The following AMBRA1 variants were observed in gnomAD, a reference collection of about 807,000 sequenced individuals.
AMBRA1 encodes the protein autophagy and beclin 1 regulator 1.
In AMBRA1, 47 loss-of-function variants were observed where a neutral mutation model predicts 125.4. That is an observed-to-expected ratio of 0.37 (90% CI 0.30 to 0.48). The LOEUF (loss-of-function observed/expected upper bound fraction) is 0.48. AMBRA1 is among the 20% of genes least tolerant of loss of function. AMBRA1 has a pLI of 0.99. For missense variants in AMBRA1, 1,331 were observed against 1,693.4 expected, an observed-to-expected ratio of 0.79 and a Z score of 3.76; for synonymous variants, 626 against 655.5, an observed-to-expected ratio of 0.95 and a Z score of 0.69.
rs543705689 is a variant in AMBRA1 at position 46,542,979 on chromosome 11, G to C, written c.1038C>G (p.Thr346=). The C allele has an allele frequency of 9.4e-5, 151 of 1,602,912 alleles. 2 individuals carry two copies. The South Asian group carries it at 1.5e-3, about 16-fold the overall frequency. Residue 346 remains threonine (T), a synonymous_variant, in exon 7 of 18, where the codon ACC becomes ACG. Coordinates refer to ENST00000683756, the MANE Select transcript of AMBRA1 (RefSeq NM_001387011.1). The surrounding 1 kb of genome is among the most constrained non-coding windows in gnomAD (Gnocchi z 5.9). The part of the protein sequence containing the change: ...ATTPSFSFVQ[T]EPFHPPEQAS... ...CCTGCTCCGGGGGATGGAAGGGCTC[G>C]GTCTGTACAAAAGAAAAGGAAGGGG... is the stretch of plus-strand genomic sequence containing the variant.
intron 4 of AMBRA1, among the ~76,000 whole-genome samples, chr11:46,546,399 A>G (rs1266594808): frequency 6.6e-6 from 1 of 152,120 alleles, no homozygotes; most frequent in Non-Finnish European, 1.5e-5. Context: ...GGTGCAAGAC[A>G]ACCCGCTAGC....
At position 46,548,518 on chromosome 11, in the gene AMBRA1, A is replaced by G; in HGVS notation, c.-120-18T>C. 9.5e-7 allele frequency: 1 copy of G among 1,055,104 alleles called. No homozygotes were observed. Among genetic ancestry groups the G allele is most frequent in the Non-Finnish European group, 1.3e-6 (1 of 755,364 alleles). The allele number at this position is 1,055,104 out of a possible 1,614,324, so 65.4% of individuals were successfully genotyped here. A position where few individuals can be genotyped will look rare whatever the true frequency, so the allele number is the denominator to read the frequency against. ...ATGGAAATCTTAAGGAACAAAGAAT[A>G]ATGTCAAAGAACGACTTCTGCAACG... On this transcript the variant is annotated intron_variant, in intron 1 of 17. Transcript: ENST00000683756.
At chr11:46,556,943 C>A (rs1288658574) in intron 1 of AMBRA1, among the ~76,000 whole-genome samples, 1 of 151,998 alleles carries the variant, frequency 6.6e-6, no homozygotes, top group Non-Finnish European at 1.5e-5. Flanking sequence ...TCAAGACCAG[C>A]CTGACCAACA....
intron 1 of AMBRA1, among the ~76,000 whole-genome samples, chr11:46,581,273 G>T (rs1422159728): frequency 6.6e-6 from 1 of 151,846 alleles, no homozygotes; most frequent in African/African-American, 2.4e-5. Flanking sequence ...AGAAGTTCAA[G>T]ACCAGCCTGG....
intron 11 of AMBRA1, among the ~76,000 whole-genome samples, chr11:46,470,498 A>G (rs1243767794): frequency 6.7e-6 from 1 of 150,364 alleles, no homozygotes; most frequent in Non-Finnish European, 1.5e-5. Context: ...CTGAGGCAGG[A>G]GAATGGCGTG....
At chr11:46,456,464 T>A (rs530142008) in intron 11 of AMBRA1, among the ~76,000 whole-genome samples, 1 of 151,974 alleles carries the variant, frequency 6.6e-6, no homozygotes, top group African/African-American at 2.4e-5. Flanking sequence ...CATTATGCAA[T>A]GCAGCTGCTT....
At chr11:46,408,745 G>A in intron 16 of AMBRA1, 39 bp from the exon 17 acceptor site, 1 of 1,482,626 alleles carries the variant, frequency 6.7e-7, no homozygotes, top group Non-Finnish European at 9.0e-7. Context: ...GATGGGGCTT[G>A]GGACAGCACC....
At chr11:46,589,312 T>C (rs1196254412) in intron 1 of AMBRA1, among the ~76,000 whole-genome samples, 1 of 152,158 alleles carries the variant, frequency 6.6e-6, no homozygotes, top group East Asian at 1.9e-4. Flanking sequence ...AGATAAAATA[T>C]AAATGACCCC....
intron 1 of AMBRA1, among the ~76,000 whole-genome samples, chr11:46,567,458 C>T (rs1454734018): frequency 1.3e-5 from 2 of 152,124 alleles, no homozygotes; most frequent in Non-Finnish European, 2.9e-5. Flanking sequence ...TCTCCACCAC[C>T]CGAGTTCAAG....
intron 1 of AMBRA1, among the ~76,000 whole-genome samples, chr11:46,569,392 C>T (rs1000812306): frequency 2.1e-5 from 3 of 145,662 alleles, no homozygotes; most frequent in African/African-American, 7.6e-5. Context: ...CTGCAGCCTA[C>T]CTTTTTCACC....
chr11:46,473,157 C>T (rs187022604), intron 11 of AMBRA1, among the ~76,000 whole-genome samples: 32 of 152,320 alleles, frequency 2.1e-4, no homozygotes, highest in Admixed American at 4.6e-4. Context: ...TTTAATGCAA[C>T]GTCACTGGAA....
intron 11 of AMBRA1, among the ~76,000 whole-genome samples, chr11:46,493,358 G>T (rs139333130): frequency 3.4e-4 from 52 of 152,132 alleles, no homozygotes; most frequent in African/African-American, 1.2e-3. Flanking sequence ...GAAACAAATG[G>T]TTTAAACAAA....
At chr11:46,451,711 T>C (rs1948604274) in intron 11 of AMBRA1, 1 of 153,968 alleles carries the variant, frequency 6.5e-6, no homozygotes, top group Admixed American at 6.5e-5. Context: ...TCTGACTGTG[T>C]GCTGCTGGGA....
rs538011588 is a variant in AMBRA1, at chr11:46,545,910, G to C, written c.379-134C>G. 48 of 749,912 alleles carry C rather than the reference G, an allele frequency of 6.4e-5. No homozygotes were observed. In the East Asian group the frequency reaches 1.2e-3, roughly 19 times the overall value. 46.5% of individuals were successfully genotyped at this position (749,912 alleles called of 1,614,324 possible). On this transcript the variant is annotated intron_variant, in intron 4 of 17. Transcript: ENST00000683756. ...ACTTTAAATACATCCTCTGTAAAAA[G>C]ATGTAGAAGATCAGCGATCTGGTAG...
intron 11 of AMBRA1, among the ~76,000 whole-genome samples, chr11:46,444,877 C>G (rs548516772): frequency 6.6e-6 from 1 of 152,270 alleles, no homozygotes; most frequent in South Asian, 2.1e-4. Flanking sequence ...CTGCTGGCCA[C>G]TGTGTCAGAA....
At chr11:46,466,476 C>A (rs1479117501) in intron 11 of AMBRA1, among the ~76,000 whole-genome samples, 2 of 152,056 alleles carry the variant, frequency 1.3e-5, no homozygotes, top group Non-Finnish European at 2.9e-5. Context: ...TACAGAGGAA[C>A]TAGGGCTTGA....
intron 7 of AMBRA1, among the ~76,000 whole-genome samples, chr11:46,525,729 C>G (rs1174205599): frequency 6.6e-6 from 1 of 150,654 alleles, no homozygotes; most frequent in African/African-American, 2.4e-5. Context: ...CCAGCCTGGG[C>G]AACAGAGCAA....
At chr11:46,425,909 G>A (rs1947107790) in intron 14 of AMBRA1, among the ~76,000 whole-genome samples, 1 of 152,006 alleles carries the variant, frequency 6.6e-6, no homozygotes, top group South Asian at 2.1e-4. Flanking sequence ...CACTTTGGGA[G>A]GCTGCGGTGG....
At chr11:46,498,422 A>G (rs1950715412) in intron 9 of AMBRA1, among the ~76,000 whole-genome samples, 1 of 152,088 alleles carries the variant, frequency 6.6e-6, no homozygotes. Flanking sequence ...CAGTTGCTGA[A>G]CTCTGTGCAT....
Sources: gnomAD v4.1 joint callset for allele counts (sites outside exome capture counted in the v4.1 genomes callset) on GRCh38, gnomAD v4.1.1 for gene constraint, Gnocchi (gnomAD v3.1) non-coding constraint, MANE v1.5 for transcripts, NCBI Gene and HGNC (gene_info 2026-07-23, HGNC 2026-07-21) for gene names.